The following FAM118B variants were observed in gnomAD, a reference collection of about 807,000 sequenced individuals.
FAM118B encodes the protein SIR2 antiphage like 1, also known as protein FAM118B.
Under a neutral mutation model 38.5 loss-of-function variants are expected in FAM118B, and 24 were observed. The ratio of observed to expected loss-of-function variants is 0.62; its 90% CI spans 0.45 to 0.88. The LOEUF (loss-of-function observed/expected upper bound fraction) is 0.88, where lower values mean the gene tolerates loss of function less well. FAM118B is among the 40% of genes least tolerant of loss of function. The pLI, the probability that FAM118B is intolerant of heterozygous loss-of-function variation, is 0.00. For missense variants in FAM118B, 334 were observed against 420.0 expected (o/e 0.80, Z 1.79); for synonymous variants, 138 against 156.3 (o/e 0.88, Z 0.87).
At chr11:126,232,285 T>A (rs1164970880) in intron 2 of FAM118B, among the ~76,000 whole-genome samples, 1 of 152,212 alleles carries the variant, frequency 6.6e-6, no homozygotes, top group African/African-American at 2.4e-5. Flanking sequence ...GAACTTGGAC[T>A]TGAGAGGCAC....
intron 2 of FAM118B, chr11:126,233,824 T>G (rs1950238056): frequency 2.3e-6 from 1 of 428,192 alleles, no homozygotes; most frequent in South Asian, 1.7e-5. Context: ...GGCTCATGCC[T>G]GTAATCCCAA....
At chr11:126,222,735 T>A (rs1373555649) in intron 1 of FAM118B, among the ~76,000 whole-genome samples, 2 of 152,202 alleles carry the variant, frequency 1.3e-5, no homozygotes, top group Non-Finnish European at 2.9e-5. Context: ...AATTGATCCC[T>A]TAGACTTTAA....
chr11:126,241,965 C>T (rs1324493108), intron 4 of FAM118B, among the ~76,000 whole-genome samples: 2 of 146,774 alleles, frequency 1.4e-5, no homozygotes. Context: ...GTGGAGGTTG[C>T]ACTGAGTTGC....
intron 3 of FAM118B, among the ~76,000 whole-genome samples, chr11:126,240,072 A>G (rs1389434777): frequency 6.6e-6 from 1 of 152,096 alleles, no homozygotes; most frequent in Non-Finnish European, 1.5e-5. Context: ...TAGTCTCCAG[A>G]ATGAAAGAGA....
intron 1 of FAM118B, among the ~76,000 whole-genome samples, chr11:126,222,382 T>C (rs893328944): frequency 3.3e-5 from 5 of 152,224 alleles, no homozygotes; most frequent in Non-Finnish European, 5.9e-5. Context: ...ATGAATTCAG[T>C]TCCTAGCATT....
At chr11:126,245,771 C>T (rs1196087809) in intron 4 of FAM118B, among the ~76,000 whole-genome samples, 3 of 151,970 alleles carry the variant, frequency 2.0e-5, no homozygotes, top group Non-Finnish European at 1.5e-5. Context: ...CCAAGGCAGG[C>T]GGATCACCTG....
intron 1 of FAM118B, among the ~76,000 whole-genome samples, chr11:126,228,661 A>G (rs753429215): frequency 2.0e-5 from 3 of 152,030 alleles, no homozygotes; most frequent in Non-Finnish European, 4.4e-5. Context: ...CCCAGGTTCA[A>G]GAACTTCTCT....
intron 1 of FAM118B, among the ~76,000 whole-genome samples, chr11:126,227,058 C>CT (rs575065140): frequency 0.21 from 20,294 of 97,510 alleles, 2,703 homozygotes; most frequent in Middle Eastern, 0.28. Flanking sequence ...ATACAAGCTT[C>CT]TTTTTTTTTT....
chr11:126,213,471 C>T (rs1435817491), intron 1 of FAM118B, among the ~76,000 whole-genome samples: 1 of 152,162 alleles, frequency 6.6e-6, no homozygotes, highest in Non-Finnish European at 1.5e-5. Flanking sequence ...TTGAGAAATT[C>T]CACCCTAAAA....
Position 126,250,370 on chromosome 11 carries a change from C to G in FAM118B, c.340-136C>G, listed in dbSNP as rs547592777. On this transcript the variant is annotated intron_variant, in intron 4 of 8. Coordinates refer to ENST00000533050, the MANE Select transcript of FAM118B (RefSeq NM_024556.4). This position sits in a 1 kb window ranked among gnomAD's most constrained non-coding sequence, Gnocchi z 5.1. Reference sequence around the variant, plus strand: ...TCTCCCAAAGTGCTGGGATTACAGGCGTGAGCCACTGCGCCTGGCCTTTAT... The same window carrying G: ...TCTCCCAAAGTGCTGGGATTACAGGGGTGAGCCACTGCGCCTGGCCTTTAT... 3.9e-5 allele frequency: 24 copies of G among 617,960 alleles called. No homozygotes were observed. Among genetic ancestry groups the G allele is most frequent in the Non-Finnish European group, 6.5e-5 (23 of 352,634 alleles). The allele number at this position is 617,960 out of a possible 1,614,324, so 38.3% of individuals were successfully genotyped here.
At chr11:126,223,276 A>G (rs976258303) in intron 1 of FAM118B, among the ~76,000 whole-genome samples, 13 of 152,196 alleles carry the variant, frequency 8.5e-5, no homozygotes, top group Non-Finnish European at 2.9e-5. Flanking sequence ...AATGATTCAA[A>G]CATGACTTAA....
chr11:126,220,329 T>C lies in FAM118B; in HGVS notation c.-77+8499T>C, dbSNP rs539836754. On this transcript the variant is annotated intron_variant, in intron 1 of 8. Transcript: ENST00000533050. ...CTTCACTTCCTTATGAAAGTATGTT[T>C]TTAGTCTCCCTAACCTGCTTTCTGT... Among the ~76,000 whole-genome samples, 5 of 152,338 alleles carry C rather than the reference T, an allele frequency of 3.3e-5. No individual in the cohort carries two copies. In the South Asian group the frequency reaches 1.0e-3, roughly 32 times the overall value.
chr11:126,260,555 T>G (rs1022425964), intron 7 of FAM118B: 1 of 152,230 alleles, frequency 6.6e-6, no homozygotes, highest in Admixed American at 6.5e-5. Flanking sequence ...ATATTTTTTT[T>G]GCCAGTTTTT....
chr11:126,262,358 C>T lies in FAM118B; in HGVS notation c.*225C>T, dbSNP rs985161541. ...TCAAGTTCAAGAATAAAAGCGACAGCAGGACCCAAATGCAGCTCCCAACCC... is the reference window on the plus strand; with the variant it reads ...TCAAGTTCAAGAATAAAAGCGACAGTAGGACCCAAATGCAGCTCCCAACCC... On this transcript the variant is annotated 3_prime_UTR_variant, in exon 9 of 9. Coordinates refer to ENST00000533050, the MANE Select transcript of FAM118B (RefSeq NM_024556.4). The T allele has an allele frequency of 1.9e-5, 11 of 571,858 alleles. No individual in the cohort carries two copies. In the South Asian group the frequency reaches 2.4e-4, roughly 12 times the overall value. 35.4% of individuals were successfully genotyped at this position (571,858 alleles called of 1,614,324 possible).
chr11:126,212,911 A>T (rs981809074), intron 1 of FAM118B, among the ~76,000 whole-genome samples: 3 of 152,170 alleles, frequency 2.0e-5, no homozygotes, highest in South Asian at 4.1e-4. Flanking sequence ...TCTGGAAATG[A>T]ATCTGGCAGT....
intron 1 of FAM118B, among the ~76,000 whole-genome samples, chr11:126,213,021 G>A (rs1259869236): frequency 6.6e-6 from 1 of 152,154 alleles, no homozygotes; most frequent in African/African-American, 2.4e-5. Flanking sequence ...CAGTGATGAG[G>A]TCTGGTCTTT....
Position 126,250,802 on chromosome 11 carries a change from T to TG in FAM118B, c.567+69_567+70insG. The TG allele has an allele frequency of 3.2e-6, 4 of 1,235,436 alleles. No homozygotes were observed. Among genetic ancestry groups the TG allele is most frequent in the Non-Finnish European group, 4.6e-6 (4 of 877,278 alleles). The allele number at this position is 1,235,436 out of a possible 1,614,324, so 76.5% of individuals were successfully genotyped here. ...TATCTTCCTCAGAAAAGCTCTTTTC[T>TG]AGTTGGTATATTGGTATTTATGTAG... is the stretch of plus-strand genomic sequence containing the variant. On this transcript the variant is annotated intron_variant, in intron 5 of 8. Transcript: ENST00000533050. This position sits in a 1 kb window ranked among gnomAD's most constrained non-coding sequence, Gnocchi z 5.1.
rs536487045 is a variant in FAM118B at position 126,257,502 on chromosome 11, A to G, written c.982+650A>G. ...AATACAATGAAACCATAGAAGGGAA[A>G]GTGTTTTCATTGCCATAAAAAAAAA... On this transcript the variant is annotated intron_variant, in intron 7 of 8. Transcript: ENST00000533050. 4.6e-5 allele frequency among the ~76,000 whole-genome samples: 7 copies of G among 152,242 alleles called. 1 individual carries two copies. In the South Asian group the frequency reaches 1.0e-3, roughly 23 times the overall value.
At chr11:126,242,735 G>C (rs1393806461) in intron 4 of FAM118B, among the ~76,000 whole-genome samples, 1 of 152,198 alleles carries the variant, frequency 6.6e-6, no homozygotes, top group African/African-American at 2.4e-5. Flanking sequence ...ACAATAATAA[G>C]TGTTATTAAG....
Sources: allele counts gnomAD v4.1 joint callset (sites outside exome capture counted in the v4.1 genomes callset), GRCh38; gene constraint gnomAD v4.1.1; non-coding constraint Gnocchi (gnomAD v3.1); transcripts MANE v1.5; gene names NCBI Gene and HGNC (gene_info 2026-07-23, HGNC 2026-07-21).